The following CACNA1D variants were observed in gnomAD, a reference collection of about 807,000 sequenced individuals.
CACNA1D encodes voltage-dependent L-type calcium channel subunit alpha-1D.
A neutral mutation model predicts 257.1 loss-of-function variants in CACNA1D; 55 were observed. The observed-to-expected ratio is 0.21, with a 90% CI of 0.17 to 0.27. The LOEUF is 0.27. Ranked by LOEUF, CACNA1D falls within the 10% of genes least tolerant of loss-of-function variation. CACNA1D has a pLI of 1.00. For synonymous variants in CACNA1D, 980 were observed against 1,014.9 expected, an observed-to-expected ratio of 0.97 and a Z score of 0.65; for missense variants, 1,876 against 2,784.0, an observed-to-expected ratio of 0.67 and a Z score of 7.34.
chr3:53,675,925 C>T (rs1291003828), intron 8 of CACNA1D, among the ~76,000 whole-genome samples: 2 of 152,270 alleles, frequency 1.3e-5, no homozygotes, highest in South Asian at 2.1e-4. Flanking sequence ...CTCTCTACTC[C>T]CCCAGAAGGC....
chr3:53,592,274 G>A (rs924528876), intron 3 of CACNA1D, among the ~76,000 whole-genome samples: 5 of 152,178 alleles, frequency 3.3e-5, no homozygotes, highest in African/African-American at 9.6e-5. Flanking sequence ...GGATCTGAAA[G>A]AAGTGAAGGG....
chr3:53,747,490 G>A lies in CACNA1D; in HGVS notation c.3314+42G>A, dbSNP rs779429584. ...CACAGTCTTCTGGAGAGGCACCTGC[G>A]TGCCCAGGGCTGAGCCCTCCCTCCT... On this transcript the variant is annotated intron_variant, in intron 26 of 47. Transcript: ENST00000350061. 20 of 1,606,690 alleles carry A rather than the reference G, an allele frequency of 1.2e-5. No individual in the cohort carries two copies. In the South Asian group the frequency reaches 1.3e-4, roughly 11 times the overall value.
intron 14 of CACNA1D, among the ~76,000 whole-genome samples, chr3:53,725,308 G>A (rs1245381708): frequency 2.0e-5 from 3 of 152,024 alleles, no homozygotes; most frequent in Non-Finnish European, 2.9e-5. Context: ...GAAACGCTGC[G>A]TCCATGCGGT....
chr3:53,539,358 T>C (rs922537448), intron 3 of CACNA1D, among the ~76,000 whole-genome samples: 1 of 152,184 alleles, frequency 6.6e-6, no homozygotes, highest in Non-Finnish European at 1.5e-5. Context: ...TCTGCCCGCC[T>C]CCGCCTCCCA....
chr3:53,575,573 A>G (rs1333940347), intron 3 of CACNA1D, among the ~76,000 whole-genome samples: 1 of 152,168 alleles, frequency 6.6e-6, no homozygotes, highest in Non-Finnish European at 1.5e-5. Flanking sequence ...AGGTGTGGCC[A>G]TGGTGCACAA....
Position 53,546,379 on chromosome 3 carries a change from G to GA in CACNA1D, c.483+44659_483+44660insA, listed in dbSNP as rs1486260485. On this transcript the variant is annotated intron_variant, in intron 3 of 47. Coordinates refer to ENST00000350061, the MANE Select transcript of CACNA1D (RefSeq NM_001128840.3). ...CCTCTGTGGGTCTGAATTTGGGGTA[G>GA]GGTTCCCCAAACCAAACTGTCCAGA... 0.024 allele frequency among the ~76,000 whole-genome samples: 4 copies of GA among 164 alleles called. No individual in the cohort carries two copies. The Admixed American group carries it at 0.3, about 12-fold the overall frequency. The allele number at this position is 164 out of a possible 152,430, so 0.1% of individuals were successfully genotyped here.
intron 3 of CACNA1D, among the ~76,000 whole-genome samples, chr3:53,618,042 G>A (rs903504360): frequency 1.3e-5 from 2 of 152,120 alleles, no homozygotes; most frequent in African/African-American, 4.8e-5. Flanking sequence ...TCTGACCTGG[G>A]GAACCTTGAA....
At chr3:53,522,851 A>T (rs2091630632) in intron 3 of CACNA1D, among the ~76,000 whole-genome samples, 1 of 152,152 alleles carries the variant, frequency 6.6e-6, no homozygotes, top group Non-Finnish European at 1.5e-5. Context: ...GTGCTATCAA[A>T]CACTAGAGCT....
intron 39 of CACNA1D, among the ~76,000 whole-genome samples, chr3:53,785,111 C>G (rs2109097395): frequency 6.6e-6 from 1 of 152,254 alleles, no homozygotes; most frequent in Non-Finnish European, 1.5e-5. Context: ...AGAGCCAGAG[C>G]TGATATTCCA....
At chr3:53,810,725 T>C (rs966354317) in intron 47 of CACNA1D, among the ~76,000 whole-genome samples, 37 of 117,324 alleles carry the variant, frequency 3.2e-4, no homozygotes, top group Non-Finnish European at 4.8e-4. Context: ...ACCACTGCAC[T>C]CCAGCCTGGG....
At chr3:53,543,000 C>T (rs959095608) in intron 3 of CACNA1D, among the ~76,000 whole-genome samples, 6 of 149,558 alleles carry the variant, frequency 4.0e-5, no homozygotes, top group Admixed American at 6.7e-5. Context: ...TGTAGTGAGC[C>T]GAGATTGTGC....
At chr3:53,719,853 G>A (rs980681902) in intron 11 of CACNA1D, 72 bp downstream of exon 11, 26 of 1,340,228 alleles carry the variant, frequency 1.9e-5, no homozygotes, top group Middle Eastern at 3.6e-4. Context: ...TGAATTTTAC[G>A]TAGTATTGCT....
At chr3:53,540,892 C>A (rs141551178) in intron 3 of CACNA1D, among the ~76,000 whole-genome samples, 2 of 152,098 alleles carry the variant, frequency 1.3e-5, no homozygotes, top group South Asian at 4.1e-4. Context: ...CAAGTGCACA[C>A]CACCATGCCT....
At position 53,651,366 on chromosome 3, in the gene CACNA1D, C is replaced by CTTTTTTTTTTTTTTT. The variant is rs779207160; in HGVS notation, c.623+456_623+470dup. Reference sequence around the variant, plus strand: ...TCCCTTGAGCAAAGCTATTAATTTTCTTTTTTTTTTTTTTTTTTTTTTGCT... The same window carrying CTTTTTTTTTTTTTTT: ...TCCCTTGAGCAAAGCTATTAATTTTCTTTTTTTTTTTTTTTTTTTTTTTTTTTTTTTTTTTTTGCT... On this transcript the variant is annotated intron_variant, in intron 4 of 47. Transcript: ENST00000350061. Among the ~76,000 whole-genome samples the CTTTTTTTTTTTTTTT allele has an allele frequency of 1.8e-3, 151 of 81,840 alleles. 18 individuals are homozygous for CTTTTTTTTTTTTTTT. The highest frequency in any genetic ancestry group is 4.7e-3 in the East Asian group (12 of 2,534). The allele number at this position is 81,840 out of a possible 152,430, so 53.7% of individuals were successfully genotyped here.
intron 29 of CACNA1D, among the ~76,000 whole-genome samples, chr3:53,754,834 A>G (rs1401184632): frequency 2.0e-5 from 3 of 152,236 alleles, no homozygotes; most frequent in Non-Finnish European, 2.9e-5. Context: ...ATGGTTTCAC[A>G]TACTCCATAG....
intron 19 of CACNA1D, among the ~76,000 whole-genome samples, chr3:53,735,102 C>T (rs1479551905): frequency 6.6e-6 from 1 of 152,216 alleles, no homozygotes; most frequent in East Asian, 1.9e-4. Flanking sequence ...TTGAGGAAGA[C>T]AACAAGCCCC....
In CACNA1D at chr3:53,535,228, CCT is replaced by C. The variant is rs751745091; in HGVS notation, c.483+33509_483+33510del. 3.2e-4 allele frequency among the ~76,000 whole-genome samples: 49 copies of C among 152,274 alleles called. 1 individual carries two copies. The highest frequency in any genetic ancestry group is 1.1e-3 in the African/African-American group (47 of 41,546). On this transcript the variant is annotated intron_variant, in intron 3 of 47. Coordinates refer to ENST00000350061, the MANE Select transcript of CACNA1D (RefSeq NM_001128840.3). ...TGGAATTTGAGCCTGGGCACTCTCCCCTGAGTGCATCGGTGACGTAAAGGCAG... is the reference window on the plus strand; with the variant it reads ...TGGAATTTGAGCCTGGGCACTCTCCCGAGTGCATCGGTGACGTAAAGGCAG...
chr3:53,695,946 G>A (rs1427229647), intron 8 of CACNA1D, among the ~76,000 whole-genome samples: 1 of 152,082 alleles, frequency 6.6e-6, no homozygotes, highest in Admixed American at 6.5e-5. Context: ...CAGGAAGCCT[G>A]TTTTCGTTAG....
intron 3 of CACNA1D, among the ~76,000 whole-genome samples, chr3:53,557,999 A>G (rs185513078): frequency 4.6e-5 from 7 of 152,268 alleles, no homozygotes; most frequent in South Asian, 4.1e-4. Context: ...ATCCTTCTCT[A>G]TTTATTAAGG....
Sources: allele counts gnomAD v4.1 joint callset (sites outside exome capture counted in the v4.1 genomes callset), GRCh38; gene constraint gnomAD v4.1.1; transcripts MANE v1.5; gene names NCBI Gene and HGNC (gene_info 2026-07-23, HGNC 2026-07-21).